WDR59: variants seen among roughly 807,000 people sequenced by gnomAD.
WDR59 encodes the protein GATOR2 complex protein WDR59.
WDR59 carries 100 observed loss-of-function variants against 131.2 expected under a neutral mutation model. The ratio of observed to expected loss-of-function variants is 0.76; its 90% CI spans 0.65 to 0.90. The LOEUF (loss-of-function observed/expected upper bound fraction) is 0.90, where lower values mean the gene tolerates loss of function less well. Ranked by LOEUF, WDR59 falls within the 40% of genes least tolerant of loss-of-function variation. The pLI is 0.00. For missense variants in WDR59, 1,203 were observed against 1,262.2 expected, an observed-to-expected ratio of 0.95 and a Z score of 0.71; for synonymous variants, 601 against 466.2, an observed-to-expected ratio of 1.29 and a Z score of -3.72.
Position 74,873,939 on chromosome 16 carries a change from C to A in WDR59, c.*270G>T. 1 of 440,878 alleles carries A rather than the reference C, an allele frequency of 2.3e-6. No individual in the cohort carries two copies. Among genetic ancestry groups the A allele is most frequent in the Non-Finnish European group, 4.1e-6 (1 of 241,328 alleles). 27.3% of individuals were successfully genotyped at this position (440,878 alleles called of 1,614,324 possible). A position where few individuals can be genotyped will look rare whatever the true frequency, so the allele number is the denominator to read the frequency against. Reference sequence around the variant, plus strand: ...AGGTGCTTTTCTCCATGAAAACTTCCACCTTGGTAGCTCAGCCGACATAGA... The same window carrying A: ...AGGTGCTTTTCTCCATGAAAACTTCAACCTTGGTAGCTCAGCCGACATAGA... On this transcript the variant is annotated 3_prime_UTR_variant, in exon 26 of 26. Coordinates refer to ENST00000262144, the MANE Select transcript of WDR59 (RefSeq NM_030581.4).
chr16:74,972,074 A>G (rs1455076370), intron 1 of WDR59, among the ~76,000 whole-genome samples: 2 of 152,188 alleles, frequency 1.3e-5, no homozygotes, highest in East Asian at 3.8e-4. Flanking sequence ...ATTGTCCAGG[A>G]CTGCTCTCTA....
chr16:74,979,541 GTTTTT>G (rs962880749), intron 1 of WDR59, among the ~76,000 whole-genome samples: 1 of 150,804 alleles, frequency 6.6e-6, no homozygotes, highest in African/African-American at 2.4e-5. Context: ...CAAGTTGTGT[GTTTTT>G]TTTGTTTTTT....
In WDR59 at chr16:74,903,971, GA is replaced by G. The variant is rs1567703116; in HGVS notation, c.1841del (p.Ile614ThrfsTer55). 6.2e-7 allele frequency: 1 copy of G among 1,609,668 alleles called. No homozygotes were observed. Among genetic ancestry groups the G allele is most frequent in the South Asian group, 1.1e-5 (1 of 90,218 alleles). On this transcript the variant is annotated frameshift_variant, in exon 18 of 26. Coordinates refer to ENST00000262144, the MANE Select transcript of WDR59 (RefSeq NM_030581.4). LOFTEE classifies it high-confidence loss of function. ...CCCGCTCCTTGTAGTAGAAGGAGCT[GA>G]TGGAGACCTGCTCTTTCTCGCTGCG... ...PTRSEKEQVS[I>X]SSFYYKERKS...
Position 74,921,943 on chromosome 16 carries a change from T to C in WDR59, c.886+4A>G. 1 of 1,613,488 alleles carries C rather than the reference T, an allele frequency of 6.2e-7. No individual in the cohort carries two copies. The highest frequency in any genetic ancestry group is 8.5e-7 in the Non-Finnish European group (1 of 1,179,810). The stretch of plus-strand genomic sequence containing the variant: ...AAAGTGGGCAGCAGGCCTCTCCCAC[T>C]CACCTTCCTTCTGCTTCCTCCACTG... On this transcript the variant is annotated splice_donor_region_variant and intron_variant, in intron 10 of 25. Transcript: ENST00000262144.
intron 1 of WDR59, among the ~76,000 whole-genome samples, chr16:74,981,633 TATA>T (rs2034414732): frequency 5.7e-5 from 1 of 17,566 alleles, no homozygotes; most frequent in African/African-American, 2.0e-4. Flanking sequence ...TATATATATA[TATA>T]TATATATATA....
intron 18 of WDR59, among the ~76,000 whole-genome samples, chr16:74,894,156 A>T (rs1395366104): frequency 1.3e-5 from 2 of 152,190 alleles, no homozygotes; most frequent in Non-Finnish European, 2.9e-5. Flanking sequence ...TTTTAGATTG[A>T]ATTCAGTCCT....
At chr16:74,920,884 A>G (rs1268374485) in intron 10 of WDR59, among the ~76,000 whole-genome samples, 2 of 152,152 alleles carry the variant, frequency 1.3e-5, no homozygotes, top group Non-Finnish European at 2.9e-5. Context: ...AAATCCAGCA[A>G]TGGCTATCGT....
rs1351098226 is a variant in WDR59 at position 74,909,655 on chromosome 16, G to C, written c.1488C>G (p.Asn496Lys). ...GGTTGCTGGAAGCGCTGTCTTCCTG[G>C]TTCTGAAATTTAAAAATCCACAAGC... ...QLVSCLESFV[N>K]QEDSASSNPF... The change falls in exon 16 of 26, where the codon AAC becomes AAG. Residue 496 changes from asparagine to lysine, a missense_variant and splice_region_variant. Physicochemically the swap from Asn to Lys is moderately conservative, Grantham distance 94. Transcript: ENST00000262144. The C allele has an allele frequency of 1.3e-6, 2 of 1,562,980 alleles. No homozygotes were observed. Among genetic ancestry groups the C allele is most frequent in the African/African-American group, 1.4e-5 (1 of 72,440 alleles).
chr16:74,935,618 G>T (rs1174047689), intron 8 of WDR59, among the ~76,000 whole-genome samples: 1 of 152,030 alleles, frequency 6.6e-6, no homozygotes, highest in Non-Finnish European at 1.5e-5. Context: ...AAATGATTAT[G>T]TAGAAAAATT....
At chr16:74,971,725 A>C (rs1275758368) in intron 1 of WDR59, among the ~76,000 whole-genome samples, 3 of 151,294 alleles carry the variant, frequency 2.0e-5, no homozygotes, top group African/African-American at 7.3e-5. Context: ...GAGCCACAGC[A>C]CCCAGCCTCT....
At position 74,956,834 on chromosome 16, in the gene WDR59, G is replaced by T. The variant is rs185682966; in HGVS notation, c.105-224C>A. Among the ~76,000 whole-genome samples the T allele has an allele frequency of 2.2e-4, 34 of 152,228 alleles. No individual in the cohort carries two copies. The East Asian group carries it at 6.2e-3, about 28-fold the overall frequency. On this transcript the variant is annotated intron_variant, in intron 2 of 25. Transcript: ENST00000262144. ...TCCCTGTGAGAGTCCCACCTCCAGA[G>T]ATGGCCTTCCCTACCACATCCATCC...
intron 18 of WDR59, among the ~76,000 whole-genome samples, chr16:74,899,147 C>A (rs749412098): frequency 6.6e-6 from 1 of 152,036 alleles, no homozygotes; most frequent in Non-Finnish European, 1.5e-5. Flanking sequence ...ATGTCCACAG[C>A]GGAGGTTTTA....
chr16:74,925,773 A>C (rs1205208268), intron 8 of WDR59, among the ~76,000 whole-genome samples: 2 of 151,884 alleles, frequency 1.3e-5, no homozygotes, highest in Non-Finnish European at 2.9e-5. Context: ...TCATGCCTAT[A>C]ATCTCAGTGC....
intron 18 of WDR59, among the ~76,000 whole-genome samples, chr16:74,903,560 T>C (rs1276761290): frequency 1.3e-5 from 2 of 151,646 alleles, no homozygotes; most frequent in African/African-American, 2.4e-5. Flanking sequence ...GTTCCAAATA[T>C]ATTGAGATCC....
intron 1 of WDR59, among the ~76,000 whole-genome samples, chr16:74,980,828 C>G (rs11640906): frequency 0.97 from 147,579 of 151,730 alleles, 71,894 homozygotes; most frequent in East Asian, 1. Flanking sequence ...AAAATTAGCC[C>G]GGTGTGGTGG....
intron 6 of WDR59, among the ~76,000 whole-genome samples, chr16:74,945,340 G>A (rs887089690): frequency 3.3e-5 from 5 of 151,690 alleles, no homozygotes; most frequent in Admixed American, 6.6e-5. Flanking sequence ...AGCCGGGCAT[G>A]GTGGCGGGCG....
chr16:74,881,869 T>C (rs1237067055), intron 25 of WDR59, among the ~76,000 whole-genome samples: 1 of 133,070 alleles, frequency 7.5e-6, no homozygotes, highest in Non-Finnish European at 1.6e-5. Flanking sequence ...CAAGACTCCG[T>C]CTCAAAAAAA....
Position 74,885,671 on chromosome 16 carries a change from C to T in WDR59, c.2671G>A (p.Asp891Asn), listed in dbSNP as rs1348128527. ...TACTCACCGATCCCTTTGTGAGGGT[C>T]AGGAGGACAGGAGACAAACTTCAAC... Reference protein sequence around the residue: ...EVLKFVSCPPDPHKGIEFGVY... With the variant: ...EVLKFVSCPPNPHKGIEFGVY... Residue 891 changes from aspartate (D) to asparagine (N), a missense_variant, in exon 25 of 26, where the codon GAC (aspartate) becomes AAC (asparagine). By Grantham distance (23) the Asp-to-Asn change is conservative (BLOSUM62 1). Coordinates refer to ENST00000262144, the MANE Select transcript of WDR59 (RefSeq NM_030581.4). 1 of 1,613,828 alleles carries T rather than the reference C, an allele frequency of 6.2e-7. No homozygotes were observed. The highest frequency in any genetic ancestry group is 2.2e-5 in the East Asian group (1 of 44,872).
chr16:74,955,658 T>C (rs1406778189), intron 3 of WDR59, among the ~76,000 whole-genome samples: 1 of 152,100 alleles, frequency 6.6e-6, no homozygotes, highest in Non-Finnish European at 1.5e-5. Context: ...GCTGACAAAG[T>C]TGCTCTTCTT....
Sources: gnomAD v4.1 joint callset for allele counts (sites outside exome capture counted in the v4.1 genomes callset) on GRCh38, gnomAD v4.1.1 for gene constraint, MANE v1.5 for transcripts, NCBI Gene and HGNC (gene_info 2026-07-23, HGNC 2026-07-21) for gene names.